Variants in TIAM2 observed in about 807,000 individuals in gnomAD.
TIAM2 encodes rho guanine nucleotide exchange factor TIAM2.
Under a neutral mutation model 152.9 loss-of-function variants are expected in TIAM2, and 80 were observed. The observed-to-expected ratio is 0.52, with a 90% confidence interval of 0.44 to 0.63. The LOEUF (loss-of-function observed/expected upper bound fraction) is 0.63, where lower values mean the gene tolerates loss of function less well. TIAM2 is among the 30% of genes least tolerant of loss of function. TIAM2 has a pLI of 0.00. For missense variants in TIAM2, 1,965 were observed against 2,120.1 expected (o/e 0.93, Z 1.44); for synonymous variants, 804 against 838.0 (o/e 0.96, Z 0.70).
intron 7 of TIAM2, among the ~76,000 whole-genome samples, chr6:155,159,825 C>G (rs571391058): frequency 1.3e-5 from 2 of 152,264 alleles, no homozygotes; most frequent in South Asian, 4.1e-4. Flanking sequence ...GGAACTGATT[C>G]TTTCTATAAA....
chr6:155,040,812 C>G (rs959864157), intron 1 of TIAM2, among the ~76,000 whole-genome samples: 1 of 152,130 alleles, frequency 6.6e-6, no homozygotes, highest in Non-Finnish European at 1.5e-5. Context: ...AGCCACCCTG[C>G]CTGGCTAAGA....
chr6:155,117,070 G>A (rs1583198835), intron 2 of TIAM2, among the ~76,000 whole-genome samples: 1 of 139,360 alleles, frequency 7.2e-6, no homozygotes, highest in Non-Finnish European at 1.6e-5. Context: ...AAAAATACAT[G>A]TTTCAAAGAG....
At chr6:155,150,670 C>A (rs1779933441) in intron 7 of TIAM2, among the ~76,000 whole-genome samples, 1 of 152,144 alleles carries the variant, frequency 6.6e-6, no homozygotes, top group Non-Finnish European at 1.5e-5. Flanking sequence ...CAATTTATTT[C>A]TCAGAGTTCT....
intron 14 of TIAM2, among the ~76,000 whole-genome samples, chr6:155,208,134 ATG>A (rs1378330942): frequency 1.3e-5 from 2 of 152,158 alleles, no homozygotes; most frequent in Non-Finnish European, 2.9e-5. Flanking sequence ...TCATCAGTGA[ATG>A]TGCATGTGGA....
chr6:155,257,698 G>A lies in TIAM2; in HGVS notation c.*577G>A. The A allele has an allele frequency of 2.0e-6, 2 of 991,632 alleles. No homozygotes were observed. Among genetic ancestry groups the A allele is most frequent in the East Asian group, 2.4e-5 (1 of 41,776 alleles). 61.4% of individuals were successfully genotyped at this position (991,632 alleles called of 1,614,324 possible). On this transcript the variant is annotated 3_prime_UTR_variant, in exon 27 of 27. Coordinates refer to ENST00000682666, the MANE Select transcript of TIAM2 (RefSeq NM_012454.4). ...TGATATTTATTTTCTCTGCCAAGCT[G>A]TATAGTAAAAGGAAAATAAGTCACA...
At chr6:155,163,516 G>T (rs1178323905) in intron 7 of TIAM2, among the ~76,000 whole-genome samples, 1 of 152,192 alleles carries the variant, frequency 6.6e-6, no homozygotes, top group African/African-American at 2.4e-5. Flanking sequence ...AGTAACTTCT[G>T]TGGTGTAAAC....
chr6:155,194,270 G>C (rs531338391), intron 14 of TIAM2, among the ~76,000 whole-genome samples: 4 of 152,216 alleles, frequency 2.6e-5, no homozygotes, highest in African/African-American at 4.8e-5. Context: ...TGGGGAAGAG[G>C]AGAAGGTAGG....
At chr6:155,053,291 A>T (rs998656278) in intron 1 of TIAM2, among the ~76,000 whole-genome samples, 7 of 152,136 alleles carry the variant, frequency 4.6e-5, no homozygotes, top group African/African-American at 1.2e-4. Flanking sequence ...GGATTTCTGG[A>T]TAAGGGGGTA....
chr6:155,055,282 G>C (rs1417791761), intron 1 of TIAM2, among the ~76,000 whole-genome samples: 3 of 152,182 alleles, frequency 2.0e-5, no homozygotes, highest in Non-Finnish European at 4.4e-5. Flanking sequence ...AGACATTCCA[G>C]CGTCCTCTCA....
intron 1 of TIAM2, among the ~76,000 whole-genome samples, chr6:155,015,462 T>C (rs1468146323): frequency 6.6e-6 from 1 of 151,890 alleles, no homozygotes; most frequent in African/African-American, 2.4e-5. Context: ...CCATGAGAAA[T>C]AATGAAATTG....
intron 15 of TIAM2, among the ~76,000 whole-genome samples, chr6:155,219,322 C>T (rs954070938): frequency 3.3e-5 from 5 of 152,164 alleles, no homozygotes; most frequent in African/African-American, 1.2e-4. Context: ...ATCTGCCTTT[C>T]CCTTTAGCAG....
intron 1 of TIAM2, among the ~76,000 whole-genome samples, chr6:155,027,264 G>A (rs901230864): frequency 2.0e-5 from 3 of 150,862 alleles, no homozygotes; most frequent in Non-Finnish European, 4.4e-5. Flanking sequence ...GACCTCAGGT[G>A]ATCCACTTGC....
intron 1 of TIAM2, among the ~76,000 whole-genome samples, chr6:155,013,346 G>T (rs1778519928): frequency 6.6e-6 from 1 of 152,142 alleles, no homozygotes; most frequent in Non-Finnish European, 1.5e-5. Context: ...GTGGAGTTTT[G>T]TCTCTTTTGC....
chr6:155,189,431 C>T (rs1478620350), intron 14 of TIAM2, among the ~76,000 whole-genome samples: 3 of 151,672 alleles, frequency 2.0e-5, no homozygotes, highest in South Asian at 4.2e-4. Context: ...CTCAGAATTA[C>T]GAGTTTGTTT....
intron 7 of TIAM2, among the ~76,000 whole-genome samples, chr6:155,158,577 G>A (rs1279720592): frequency 6.6e-6 from 1 of 150,728 alleles, no homozygotes; most frequent in Non-Finnish European, 1.5e-5. Flanking sequence ...TTTTTTGACA[G>A]GGTCTCACTC....
chr6:155,029,513 C>CTATATATACTATAG (rs1562295279), intron 1 of TIAM2, among the ~76,000 whole-genome samples: 1 of 22,082 alleles, frequency 4.5e-5, no homozygotes, highest in Non-Finnish European at 7.9e-5. Context: ...ATAATATATA[C>CTATATATACTATAG]TATATATTAT....
intron 7 of TIAM2, among the ~76,000 whole-genome samples, chr6:155,164,179 T>C (rs1780356322): frequency 7.1e-6 from 1 of 140,016 alleles, no homozygotes; most frequent in Non-Finnish European, 1.5e-5. Flanking sequence ...TTCACTGTGT[T>C]GGTCAGGCTG....
In TIAM2 at chr6:155,131,539, C is replaced by A. The variant is rs184779603; in HGVS notation, c.1194+1122C>A. ...AATTTCTATGCTTAAGTTGGTACATCAAAAAAAAAAGTTGATGATATATCT... is the reference window on the plus strand; with the variant it reads ...AATTTCTATGCTTAAGTTGGTACATAAAAAAAAAAAGTTGATGATATATCT... On this transcript the variant is annotated intron_variant, in intron 4 of 26. Transcript: ENST00000682666. Among the ~76,000 whole-genome samples the A allele has an allele frequency of 2.5e-3, 353 of 142,790 alleles. 2 individuals carry two copies. The highest frequency in any genetic ancestry group is 4.4e-3 in the Non-Finnish European group (290 of 65,202). 93.7% of individuals were successfully genotyped at this position (142,790 alleles called of 152,430 possible). A position where few individuals can be genotyped will look rare whatever the true frequency, so the allele number is the denominator to read the frequency against.
rs1562316859 is a variant in TIAM2 at position 155,104,033 on chromosome 6, CACACA to C, written c.-118+13655_-118+13659del. ...ATTCTTCTTCTGTATTTACCTCACA[CACACA>C]CACCCCCCCCCCCACACCCCCACAC... is the stretch of plus-strand genomic sequence containing the variant. On this transcript the variant is annotated intron_variant, in intron 2 of 26. Transcript: ENST00000682666. Among the ~76,000 whole-genome samples, 185 of 108,106 alleles carry C rather than the reference CACACA, an allele frequency of 1.7e-3. 3 individuals carry two copies. The highest frequency in any genetic ancestry group is 8.2e-3 in the African/African-American group (173 of 21,136). The allele number at this position is 108,106 out of a possible 152,430, so 70.9% of individuals were successfully genotyped here.
Sources: gnomAD v4.1 joint callset for allele counts (sites outside exome capture counted in the v4.1 genomes callset) on GRCh38, gnomAD v4.1.1 for gene constraint, MANE v1.5 for transcripts, NCBI Gene and HGNC (gene_info 2026-07-23, HGNC 2026-07-21) for gene names.